NCF4: variants seen among roughly 807,000 people sequenced by gnomAD.
The protein encoded by NCF4 is neutrophil cytosol factor 4.
NCF4 carries 30 observed loss-of-function variants against 41.7 expected under a neutral mutation model. The observed-to-expected ratio is 0.72, with a 90% confidence interval of 0.54 to 0.97. NCF4 has a LOEUF of 0.97. NCF4 is among the 50% of genes least tolerant of loss of function. The pLI is 0.00. For synonymous variants in NCF4, 195 were observed against 175.8 expected (o/e 1.11, Z -0.87); for missense variants, 432 against 460.9 (o/e 0.94, Z 0.57).
intron 8 of NCF4, 112 bp from the exon 9 acceptor site, chr22:36,875,917 G>GTAAC (rs1243236503): frequency 1.2e-6 from 2 of 1,614,060 alleles, no homozygotes; most frequent in Non-Finnish European, 1.7e-6. Flanking sequence ...CCACAATGCT[G>GTAAC]TAACAAGCCA....
intron 1 of NCF4, among the ~76,000 whole-genome samples, 162 bp from the exon 2 acceptor site, chr22:36,863,883 G>A (rs973220612): frequency 1.3e-5 from 2 of 151,786 alleles, no homozygotes; most frequent in Admixed American, 6.6e-5. Flanking sequence ...TGTTATCTCC[G>A]TATTCCCAGG....
At chr22:36,866,470 G>A (rs1939928967) in intron 3 of NCF4, among the ~76,000 whole-genome samples, 1 of 152,136 alleles carries the variant, frequency 6.6e-6, no homozygotes, top group Non-Finnish European at 1.5e-5. Context: ...CTCCTTGGAA[G>A]GTGGGGATCC....
Position 36,876,013 on chromosome 22 carries a change from C to A in NCF4, c.759-16C>A. ...CCAGCCTGATGCCTCCTTACTCCAG[C>A]CTGTCACCCCCTTAGGGACATCGCG... On this transcript the variant is annotated splice_polypyrimidine_tract_variant and intron_variant, in intron 8 of 9. Transcript: ENST00000248899. 1 of 1,614,048 alleles carries A rather than the reference C, an allele frequency of 6.2e-7. No individual in the cohort carries two copies. The highest frequency in any genetic ancestry group is 8.5e-7 in the Non-Finnish European group (1 of 1,179,958).
At chr22:36,863,669 C>T (rs1939841801) in intron 1 of NCF4, among the ~76,000 whole-genome samples, 1 of 12,648 alleles carries the variant, frequency 7.9e-5, no homozygotes, top group African/African-American at 4.6e-4. Context: ...GGGCCTAGGA[C>T]AGGGCCTGGT....
At chr22:36,876,196 A>AC (rs1940190562) in intron 9 of NCF4, 102 bp downstream of exon 9, 2 of 1,202,656 alleles carry the variant, frequency 1.7e-6, no homozygotes, top group Non-Finnish European at 2.3e-6. Flanking sequence ...TTTTGCGTGT[A>AC]CTTTGTCTTC....
chr22:36,873,557 C>T (rs888708814), intron 7 of NCF4, among the ~76,000 whole-genome samples: 1 of 152,076 alleles, frequency 6.6e-6, no homozygotes, highest in Non-Finnish European at 1.5e-5. Context: ...GGAACAAAGC[C>T]TTTGGGGAGG....
chr22:36,867,966 C>T (rs1392534140), intron 4 of NCF4, among the ~76,000 whole-genome samples: 1 of 152,216 alleles, frequency 6.6e-6, no homozygotes, highest in African/African-American at 2.4e-5. Flanking sequence ...TGAACATGGG[C>T]TGGATTTTAG....
chr22:36,874,107 T>C (rs1446854504), intron 7 of NCF4, among the ~76,000 whole-genome samples: 1 of 152,166 alleles, frequency 6.6e-6, no homozygotes, highest in Non-Finnish European at 1.5e-5. Context: ...AGAGCCTGGG[T>C]GTGCGGCGCC....
Position 36,862,124 on chromosome 22 carries a change from G to C in NCF4, c.32+921G>C, listed in dbSNP as rs555918097. ...CAGGTCTGAGCTCTAAGCTGCGGGG[G>C]CCCTGAGGACGCAAAGCCTGGCCCC... On this transcript the variant is annotated intron_variant, in intron 1 of 9. Coordinates refer to ENST00000248899, the MANE Select transcript of NCF4 (RefSeq NM_000631.5). Among the ~76,000 whole-genome samples, 3 of 152,324 alleles carry C rather than the reference G, an allele frequency of 2.0e-5. No homozygotes were observed. The South Asian group carries it at 6.2e-4, about 32-fold the overall frequency.
At chr22:36,863,949 C>A in intron 1 of NCF4, 96 bp from the exon 2 acceptor site, 1 of 1,182,882 alleles carries the variant, frequency 8.5e-7, no homozygotes, top group Non-Finnish European at 1.3e-6. Context: ...GTTGGCTTCA[C>A]AACATTAGTT....
In NCF4 at chr22:36,871,716, C is replaced by T. The variant is rs1486869326; in HGVS notation, c.528+7C>T. On this transcript the variant is annotated splice_region_variant and intron_variant, in intron 6 of 9. Coordinates refer to ENST00000248899, the MANE Select transcript of NCF4 (RefSeq NM_000631.5). ...GGCAGCTCCGAGAGCAGAGGTAACCCCCGCCCCCACGCTGGCCAGGCTCTC... is the reference window on the plus strand; with the variant it reads ...GGCAGCTCCGAGAGCAGAGGTAACCTCCGCCCCCACGCTGGCCAGGCTCTC... 11 of 1,557,720 alleles carry T rather than the reference C, an allele frequency of 7.1e-6. No homozygotes were observed. The African/African-American group carries it at 9.5e-5, about 13-fold the overall frequency.
At chr22:36,862,171 G>A (rs1176424776) in intron 1 of NCF4, among the ~76,000 whole-genome samples, 1 of 152,240 alleles carries the variant, frequency 6.6e-6, no homozygotes, top group African/African-American at 2.4e-5. Context: ...GATTGGAACA[G>A]CAGGTGACCT....
intron 1 of NCF4, 93 bp downstream of exon 1, chr22:36,861,296 C>T (rs570993177): frequency 7.9e-5 from 114 of 1,450,140 alleles, no homozygotes; most frequent in South Asian, 7.0e-4. Flanking sequence ...CCCTGATCAA[C>T]ATGAGAGGCT....
rs1569112080 is a variant in NCF4, at chr22:36,867,380, GTCTCT to G, written c.272-7_272-3del. On this transcript the variant is annotated splice_polypyrimidine_tract_variant and splice_region_variant and intron_variant, in intron 3 of 9. Coordinates refer to ENST00000248899, the MANE Select transcript of NCF4 (RefSeq NM_000631.5). ...GGCCAGGCTCCTAGGACAGCTCTTT[GTCTCT>G]TCTCAGCCAAAGTCTACGTGGGTGT... 1 of 1,614,182 alleles carries G rather than the reference GTCTCT, an allele frequency of 6.2e-7. No homozygotes were observed. Among genetic ancestry groups the G allele is most frequent in the East Asian group, 2.2e-5 (1 of 44,870 alleles).
rs36040817 is a variant in NCF4, at chr22:36,865,666, C to T, written c.271+594C>T. The stretch of plus-strand genomic sequence containing the variant: ...GCCCTTAGCTGCTCAGCACCTGCCC[C>T]GCAGGAGGAAACCCCATCACGAATG... On this transcript the variant is annotated intron_variant, in intron 3 of 9. Transcript: ENST00000248899. The surrounding 1 kb of genome is among the most constrained non-coding windows in gnomAD (Gnocchi z 4.3). 0.021 allele frequency among the ~76,000 whole-genome samples: 3,121 copies of T among 152,244 alleles called. 110 individuals carry two copies. Among genetic ancestry groups the T allele is most frequent in the African/African-American group, 0.072 (3,003 of 41,530 alleles).
At chr22:36,876,869 CTG>C (rs1218467248) in intron 9 of NCF4, among the ~76,000 whole-genome samples, 1 of 152,214 alleles carries the variant, frequency 6.6e-6, no homozygotes, top group African/African-American at 2.4e-5. Context: ...CTGGCCCACA[CTG>C]TGAAATTACT....
At position 36,864,055 on chromosome 22, in the gene NCF4, C is replaced by G. The variant is rs1288037973; in HGVS notation, c.43C>G (p.Gln15Glu). 1 of 1,614,150 alleles carries G rather than the reference C, an allele frequency of 6.2e-7. No individual in the cohort carries two copies. Among genetic ancestry groups the G allele is most frequent in the Non-Finnish European group, 8.5e-7 (1 of 1,179,990 alleles). The change falls in exon 2 of 10, where the codon CAG becomes GAG. Residue 15 changes from glutamine (Q) to glutamate (E), a missense_variant. Physicochemically the swap from Gln to Glu is conservative, Grantham distance 29. Coordinates refer to ENST00000248899, the MANE Select transcript of NCF4 (RefSeq NM_000631.5). ...CCCTCCTTCGCACAGTGACTTTGAACAGCTTCCGGATGATGTTGCCATCTC... is the reference window on the plus strand; with the variant it reads ...CCCTCCTTCGCACAGTGACTTTGAAGAGCTTCCGGATGATGTTGCCATCTC... The part of the protein sequence containing the change: ...QQLRAESDFE[Q>E]LPDDVAISAN...
intron 5 of NCF4, 36 bp from the exon 6 acceptor site, chr22:36,871,616 T>C: frequency 6.4e-7 from 1 of 1,552,500 alleles, no homozygotes; most frequent in Non-Finnish European, 8.7e-7. Context: ...CCTGAGAGAA[T>C]CACAGGGCTA....
In NCF4 at chr22:36,867,398, T is replaced by A. The variant is rs747292434; in HGVS notation, c.278T>A (p.Val93Asp). Reference sequence around the variant, plus strand: ...GCTCTTTGTCTCTTCTCAGCCAAAGTCTACGTGGGTGTGAAACAGGAGATC... The same window carrying A: ...GCTCTTTGTCTCTTCTCAGCCAAAGACTACGTGGGTGTGAAACAGGAGATC... ...ACTLPTLPAKVYVGVKQEIAE... is the reference protein window; with the variant it reads ...ACTLPTLPAKDYVGVKQEIAE... The change falls in exon 4 of 10, where the codon GTC (valine) becomes GAC (aspartate). Residue 93 changes from valine (V) to aspartate (D), a missense_variant. Physicochemically the swap from Val to Asp is radical, Grantham distance 152. Coordinates refer to ENST00000248899, the MANE Select transcript of NCF4 (RefSeq NM_000631.5). 6.2e-7 allele frequency: 1 copy of A among 1,614,012 alleles called. No individual in the cohort carries two copies. Among genetic ancestry groups the A allele is most frequent in the Non-Finnish European group, 8.5e-7 (1 of 1,180,026 alleles).
Sources: allele counts gnomAD v4.1 joint callset (sites outside exome capture counted in the v4.1 genomes callset), GRCh38; gene constraint gnomAD v4.1.1; non-coding constraint Gnocchi (gnomAD v3.1); transcripts MANE v1.5; gene names NCBI Gene and HGNC (gene_info 2026-07-23, HGNC 2026-07-21).